Variants in MAGI2 observed in about 807,000 individuals in gnomAD.
MAGI2 encodes the protein membrane associated guanylate kinase, WW and PDZ domain containing 2, also known as membrane-associated guanylate kinase, WW and PDZ domain-containing protein 2.
A neutral mutation model predicts 133.3 loss-of-function variants in MAGI2; 35 were observed. That is an observed-to-expected ratio of 0.26 (90% confidence interval 0.20 to 0.35). The LOEUF is 0.35. Ranked by LOEUF, MAGI2 falls within the 10% of genes least tolerant of loss-of-function variation. MAGI2 has a pLI of 1.00. For missense variants in MAGI2, 1,636 were observed against 1,863.4 expected (o/e 0.88, Z 2.25); for synonymous variants, 729 against 710.6 (o/e 1.03, Z -0.41).
At chr7:78,876,068 A>G (rs561305190) in intron 2 of MAGI2, among the ~76,000 whole-genome samples, 1 of 152,266 alleles carries the variant, frequency 6.6e-6, no homozygotes, top group East Asian at 1.9e-4. Context: ...CATGCCTGTA[A>G]TTCCAGCACC....
chr7:78,678,838 T>A (rs574802525), intron 2 of MAGI2, among the ~76,000 whole-genome samples: 1 of 152,098 alleles, frequency 6.6e-6, no homozygotes, highest in Non-Finnish European at 1.5e-5. Flanking sequence ...CATTGTCTCT[T>A]GTTTTATTTT....
chr7:78,214,298 T>C (rs1452178221), intron 10 of MAGI2, among the ~76,000 whole-genome samples: 2 of 152,228 alleles, frequency 1.3e-5, no homozygotes, highest in Admixed American at 1.3e-4. Context: ...TTGTTTTCTG[T>C]AGTAAATCTT....
At chr7:78,903,917 T>C (rs137883705) in intron 2 of MAGI2, 2 of 152,282 alleles carry the variant, frequency 1.3e-5, no homozygotes, top group African/African-American at 4.8e-5. Context: ...ATTGTCTATA[T>C]GTTTTTTAAA....
At chr7:78,610,411 G>A (rs1324304534) in intron 3 of MAGI2, among the ~76,000 whole-genome samples, 4 of 152,130 alleles carry the variant, frequency 2.6e-5, no homozygotes, top group Non-Finnish European at 5.9e-5. Flanking sequence ...CTCTTAAAGG[G>A]CATCCAGCTC....
At chr7:78,161,658 A>T (rs1012110536) in intron 15 of MAGI2, among the ~76,000 whole-genome samples, 1 of 140,008 alleles carries the variant, frequency 7.1e-6, no homozygotes, top group African/African-American at 2.7e-5. Context: ...GTTTTGTTAC[A>T]TCGATACCTA....
chr7:78,425,332 G>GT (rs1382279368), intron 6 of MAGI2, among the ~76,000 whole-genome samples: 1 of 152,156 alleles, frequency 6.6e-6, no homozygotes, highest in African/African-American at 2.4e-5. Context: ...ACGTGGAACT[G>GT]TAAGTCCAAT....
At chr7:79,021,324 G>T (rs1278137487) in intron 1 of MAGI2, among the ~76,000 whole-genome samples, 2 of 152,088 alleles carry the variant, frequency 1.3e-5, no homozygotes, top group Non-Finnish European at 2.9e-5. Flanking sequence ...ACCCTAGAAT[G>T]GTTGATCCAC....
chr7:78,530,386 A>G (rs1175141763), intron 3 of MAGI2, among the ~76,000 whole-genome samples: 26 of 152,242 alleles, frequency 1.7e-4, no homozygotes, highest in Non-Finnish European at 5.9e-5. Flanking sequence ...TTAACTTGAA[A>G]TATTCATTTT....
chr7:78,388,275 TATC>T (rs75353734), intron 6 of MAGI2, among the ~76,000 whole-genome samples: 4 of 143,558 alleles, frequency 2.8e-5, no homozygotes, highest in African/African-American at 5.3e-5. Flanking sequence ...GCTCCACTGT[TATC>T]ATCATCATCA....
At chr7:79,409,282 GTC>G (rs67177756) in intron 1 of MAGI2, among the ~76,000 whole-genome samples, 36,287 of 151,568 alleles carry the variant, frequency 0.24, 5,516 homozygotes, top group African/African-American at 0.41. Context: ...TGTTTTGTCT[GTC>G]TCTCTCTCTC....
chr7:78,495,150 A>G (rs1584391263), intron 5 of MAGI2, among the ~76,000 whole-genome samples: 2 of 152,288 alleles, frequency 1.3e-5, no homozygotes, highest in East Asian at 3.9e-4. Context: ...TCTGGGGTAC[A>G]TGTGCAGAAC....
At chr7:78,614,675 C>A (rs931124006) in intron 3 of MAGI2, 3 of 152,052 alleles carry the variant, frequency 2.0e-5, no homozygotes, top group African/African-American at 7.2e-5. Context: ...ATTGTTGAGA[C>A]AATTTAGTCA....
chr7:78,335,441 A>G (rs1789658118), intron 9 of MAGI2, among the ~76,000 whole-genome samples: 2 of 152,194 alleles, frequency 1.3e-5, no homozygotes, highest in Non-Finnish European at 2.9e-5. Context: ...AAATCTGACT[A>G]GTCTTCAAAC....
intron 6 of MAGI2, among the ~76,000 whole-genome samples, chr7:78,446,004 TCTTG>T: frequency 6.7e-6 from 1 of 150,286 alleles, no homozygotes; most frequent in South Asian, 2.1e-4. Flanking sequence ...TTTCCTCTTC[TCTTG>T]CTTTTCCAAG....
intron 2 of MAGI2, among the ~76,000 whole-genome samples, chr7:78,985,229 C>A (rs1805151310): frequency 6.6e-6 from 1 of 151,978 alleles, no homozygotes; most frequent in Admixed American, 6.6e-5. Flanking sequence ...TAGCAATCAC[C>A]TCAATCATTA....
chr7:78,194,787 C>G (rs1828567748), intron 12 of MAGI2, 87 bp downstream of exon 12: 3 of 1,142,152 alleles, frequency 2.6e-6, no homozygotes, highest in Non-Finnish European at 3.6e-6. Flanking sequence ...AATATAAAAC[C>G]ATGCCAGATC....
At chr7:78,833,116 T>C (rs1296679012) in intron 2 of MAGI2, among the ~76,000 whole-genome samples, 1 of 152,218 alleles carries the variant, frequency 6.6e-6, no homozygotes, top group African/African-American at 2.4e-5. Flanking sequence ...CAGCTTTTGC[T>C]ACAACTGTTA....
chr7:78,437,103 A>C (rs1800369457), intron 6 of MAGI2, among the ~76,000 whole-genome samples: 1 of 152,124 alleles, frequency 6.6e-6, no homozygotes, highest in Non-Finnish European at 1.5e-5. Flanking sequence ...CATAATGGAA[A>C]TCATACTTCT....
At chr7:78,517,276 A>C (rs2150574213) in intron 4 of MAGI2, among the ~76,000 whole-genome samples, 1 of 152,254 alleles carries the variant, frequency 6.6e-6, no homozygotes, top group South Asian at 2.1e-4. Flanking sequence ...ATCTAACATC[A>C]CTGCTATGAG....
Sources: allele counts gnomAD v4.1 joint callset (sites outside exome capture counted in the v4.1 genomes callset), GRCh38; gene constraint gnomAD v4.1.1; transcripts MANE v1.5; gene names NCBI Gene and HGNC (gene_info 2026-07-23, HGNC 2026-07-21).